The following PCDHA12 variants were observed in gnomAD, a reference collection of about 807,000 sequenced individuals.
The protein encoded by PCDHA12 is protocadherin alpha-12.
PCDHA12 carries 44 observed loss-of-function variants against 60.0 expected under a neutral mutation model. The observed-to-expected ratio is 0.73, with a 90% confidence interval of 0.58 to 0.94. PCDHA12 has a LOEUF of 0.94. Ranked by LOEUF, PCDHA12 falls within the 40% of genes least tolerant of loss-of-function variation. PCDHA12 has a pLI of 0.00. For synonymous variants in PCDHA12, 569 were observed against 553.0 expected (o/e 1.03, Z -0.40); for missense variants, 1,276 against 1,239.7 (o/e 1.03, Z -0.44).
At chr5:140,914,445 T>C (rs782813943) in intron 1 of PCDHA12, among the ~76,000 whole-genome samples, 1 of 152,200 alleles carries the variant, frequency 6.6e-6, no homozygotes, top group South Asian at 2.1e-4. Flanking sequence ...CCCATGTCTT[T>C]ATTTTCCAGT....
Position 140,876,493 on chromosome 5 carries a change from C to T in PCDHA12, c.1021C>T (p.Leu341=), listed in dbSNP as rs1554168608. ...TCACAGCATGGTCCTGGTGGAAGTT[C>T]TGGACGTGAATGACAATGTCCCTGA... ...AGHSMVLVEV[L]DVNDNVPEVM... The change falls in exon 1 of 4, where the codon CTG becomes TTG. Residue 341 remains leucine (L), a synonymous_variant. Transcript: ENST00000398631. 2 of 1,614,008 alleles carry T rather than the reference C, an allele frequency of 1.2e-6. No individual in the cohort carries two copies. Among genetic ancestry groups the T allele is most frequent in the Admixed American group, 3.3e-5 (2 of 60,022 alleles).
chr5:140,961,599 G>A (rs1012408317), intron 1 of PCDHA12, among the ~76,000 whole-genome samples: 3 of 152,062 alleles, frequency 2.0e-5, no homozygotes, highest in Non-Finnish European at 4.4e-5. Flanking sequence ...AATGATTCTA[G>A]TAAATGAAAC....
intron 1 of PCDHA12, among the ~76,000 whole-genome samples, chr5:140,917,939 G>A (rs1408047210): frequency 6.6e-6 from 1 of 151,830 alleles, no homozygotes; most frequent in African/African-American, 2.4e-5. Context: ...AAATAATATT[G>A]GTAGTTTGAT....
chr5:140,927,480 C>T (rs782233621), intron 1 of PCDHA12: 3 of 1,613,976 alleles, frequency 1.9e-6, no homozygotes, highest in African/African-American at 1.3e-5. Context: ...GCGAACAGCG[C>T]GCCACCCACC....
At chr5:140,971,366 G>A (rs1554233245) in intron 1 of PCDHA12, among the ~76,000 whole-genome samples, 1 of 152,186 alleles carries the variant, frequency 6.6e-6, no homozygotes, top group Non-Finnish European at 1.5e-5. Flanking sequence ...TTTGCCAGGA[G>A]AGTGCATGAC....
At chr5:140,898,306 G>T (rs192633483) in intron 1 of PCDHA12, among the ~76,000 whole-genome samples, 3 of 152,228 alleles carry the variant, frequency 2.0e-5, no homozygotes, top group African/African-American at 4.8e-5. Flanking sequence ...TTTCTTCTAG[G>T]GTTTTTATGG....
At chr5:140,955,293 T>A (rs2095165956) in intron 1 of PCDHA12, among the ~76,000 whole-genome samples, 1 of 152,182 alleles carries the variant, frequency 6.6e-6, no homozygotes, top group Non-Finnish European at 1.5e-5. Flanking sequence ...ATGGTTTGGC[T>A]GTGTCCCCAC....
chr5:140,927,635 A>G (rs782672031), intron 1 of PCDHA12: 17 of 1,614,038 alleles, frequency 1.1e-5, no homozygotes, highest in East Asian at 4.5e-5. Context: ...ACTGCACCCA[A>G]TGGGACTGTG....
At chr5:140,944,003 C>T (rs1185007409) in intron 1 of PCDHA12, among the ~76,000 whole-genome samples, 1 of 152,038 alleles carries the variant, frequency 6.6e-6, no homozygotes, top group Admixed American at 6.6e-5. Flanking sequence ...CTACTGAGTA[C>T]CCCCCAAAAG....
Position 141,010,021 on chromosome 5 carries a change from T to C in PCDHA12, c.*84T>C. 1 of 1,572,108 alleles carries C rather than the reference T, an allele frequency of 6.4e-7. No individual in the cohort carries two copies. The highest frequency in any genetic ancestry group is 1.9e-5 in the Admixed American group (1 of 52,756). On this transcript the variant is annotated 3_prime_UTR_variant, in exon 4 of 4. Coordinates refer to ENST00000398631, the MANE Select transcript of PCDHA12 (RefSeq NM_018903.4). ...CATGTAGCAATTCCCTGCTCCTTTTTCCTATCTACATGAGCCCTCTTAGAG... is the reference window on the plus strand; with the variant it reads ...CATGTAGCAATTCCCTGCTCCTTTTCCCTATCTACATGAGCCCTCTTAGAG...
At chr5:140,910,641 C>T (rs1270893523) in intron 1 of PCDHA12, among the ~76,000 whole-genome samples, 1 of 152,206 alleles carries the variant, frequency 6.6e-6, no homozygotes, top group Non-Finnish European at 1.5e-5. Flanking sequence ...CTCCCTAAAC[C>T]TTTTGATCCC....
At chr5:140,958,547 A>C (rs528303266) in intron 1 of PCDHA12, among the ~76,000 whole-genome samples, 3 of 152,308 alleles carry the variant, frequency 2.0e-5, no homozygotes, top group East Asian at 3.9e-4. Flanking sequence ...TTTATGAACC[A>C]ATAAATGTTT....
rs1480667665 is a variant in PCDHA12, at chr5:140,876,607, T to G, written c.1135T>G (p.Ser379Ala). 7 of 1,614,068 alleles carry G rather than the reference T, an allele frequency of 4.3e-6. No homozygotes were observed. The highest frequency in any genetic ancestry group is 5.9e-6 in the Non-Finnish European group (7 of 1,180,034). Residue 379 changes from serine (S) to alanine (A), a missense_variant, in exon 1 of 4, where the codon TCT becomes GCT. Ser to Ala is a moderately conservative substitution (Grantham distance 99, BLOSUM62 1). Coordinates refer to ENST00000398631, the MANE Select transcript of PCDHA12 (RefSeq NM_018903.4). ...IALISVSDRD[S>A]GANGQVICSL... ...CCTGATTAGCGTGTCGGATCGTGAC[T>G]CTGGAGCCAATGGACAGGTCATCTG... is the stretch of plus-strand genomic sequence containing the variant.
At chr5:140,959,583 A>G (rs529440681) in intron 1 of PCDHA12, among the ~76,000 whole-genome samples, 10 of 152,332 alleles carry the variant, frequency 6.6e-5, no homozygotes, top group Admixed American at 1.3e-4. Flanking sequence ...TTTCAATTCT[A>G]TCAGCCAAGT....
intron 1 of PCDHA12, among the ~76,000 whole-genome samples, chr5:140,900,615 T>C (rs1554189289): frequency 1.3e-5 from 2 of 152,336 alleles, no homozygotes; most frequent in East Asian, 3.9e-4. Context: ...GACATGTAGA[T>C]TGCTTCCAAA....
chr5:141,007,348 C>T (rs1300636691), intron 3 of PCDHA12, among the ~76,000 whole-genome samples: 3 of 142,438 alleles, frequency 2.1e-5, no homozygotes, highest in African/African-American at 5.3e-5. Context: ...CTCAGGAGTT[C>T]GAGACCAGCC....
At position 141,010,397 on chromosome 5, in the gene PCDHA12, A is replaced by C; in HGVS notation, c.*460A>C. On this transcript the variant is annotated 3_prime_UTR_variant, in exon 4 of 4. Coordinates refer to ENST00000398631, the MANE Select transcript of PCDHA12 (RefSeq NM_018903.4). ...TGCCAGATATTGGCTGAGACGAGCC[A>C]GCTTAGACTAATTGGTACAAGGAAG... 7.5e-7 allele frequency: 1 copy of C among 1,329,462 alleles called. No individual in the cohort carries two copies. The highest frequency in any genetic ancestry group is 1.0e-6 in the Non-Finnish European group (1 of 994,158). The allele number at this position is 1,329,462 out of a possible 1,614,324, so 82.4% of individuals were successfully genotyped here.
At chr5:140,914,079 A>G (rs2076595090) in intron 1 of PCDHA12, among the ~76,000 whole-genome samples, 1 of 152,164 alleles carries the variant, frequency 6.6e-6, no homozygotes, top group South Asian at 2.1e-4. Context: ...ATAACTATCT[A>G]TTAGGTCAAT....
intron 1 of PCDHA12, chr5:140,883,386 G>C (rs1554177993): frequency 6.2e-7 from 1 of 1,614,138 alleles, no homozygotes; most frequent in South Asian, 1.1e-5. Context: ...GCCCTAATCA[G>C]TGTGTCCGAT....
Sources: allele counts gnomAD v4.1 joint callset (sites outside exome capture counted in the v4.1 genomes callset), GRCh38; gene constraint gnomAD v4.1.1; transcripts MANE v1.5; gene names NCBI Gene and HGNC (gene_info 2026-07-23, HGNC 2026-07-21).